Variants in CACNA2D1 observed in about 807,000 individuals in gnomAD.
CACNA2D1 encodes calcium voltage-gated channel auxiliary subunit alpha2delta 1.
In CACNA2D1, 53 loss-of-function variants were observed where a neutral mutation model predicts 171.5. That is an observed-to-expected ratio of 0.31 (90% CI 0.25 to 0.39). CACNA2D1 has a LOEUF of 0.39. Among genes scored for constraint, CACNA2D1 ranks in the 10% least tolerant of loss-of-function variants. The pLI, the probability that CACNA2D1 is intolerant of heterozygous loss-of-function variation, is 1.00. For synonymous variants in CACNA2D1, 442 were observed against 443.1 expected (o/e 1.00, Z 0.03); for missense variants, 903 against 1,299.8 (o/e 0.69, Z 4.69).
chr7:81,976,082 G>A (rs188176769), intron 24 of CACNA2D1, among the ~76,000 whole-genome samples: 2 of 151,660 alleles, frequency 1.3e-5, no homozygotes, highest in East Asian at 1.9e-4. Flanking sequence ...GTTACTCTGG[G>A]ATGCAGTAGC....
At chr7:82,067,498 A>T (rs1320685477) in intron 7 of CACNA2D1, among the ~76,000 whole-genome samples, 1 of 152,220 alleles carries the variant, frequency 6.6e-6, no homozygotes, top group African/African-American at 2.4e-5. Flanking sequence ...ACTATATACA[A>T]TGAAACTCTT....
rs200114409 is a variant in CACNA2D1, at chr7:82,332,564, A to AAGAAAGAAAG, written c.294+2570_294+2571insCTTTCTTTCT. Among the ~76,000 whole-genome samples, 341 of 144,228 alleles carry AAGAAAGAAAG rather than the reference A, an allele frequency of 2.4e-3. 4 individuals are homozygous for AAGAAAGAAAG. Among genetic ancestry groups the AAGAAAGAAAG allele is most frequent in the Middle Eastern group, 7.0e-3 (2 of 284 alleles). The allele number at this position is 144,228 out of a possible 152,430, so 94.6% of individuals were successfully genotyped here. On this transcript the variant is annotated intron_variant, in intron 3 of 38. Coordinates refer to ENST00000356860, the MANE Select transcript of CACNA2D1 (RefSeq NM_000722.4). ...AAAGAAAGAAAGAAAGAAAGAAAGA[A>AAGAAAGAAAG]AGAACGAACAGAAAATTTTTGAGGG... is the stretch of plus-strand genomic sequence containing the variant.
intron 6 of CACNA2D1, among the ~76,000 whole-genome samples, chr7:82,113,519 A>G (rs1408592675): frequency 6.6e-6 from 1 of 152,160 alleles, no homozygotes. Context: ...AACTTTAAAT[A>G]TATCATTGAG....
chr7:82,364,000 G>T (rs953630319), intron 1 of CACNA2D1, among the ~76,000 whole-genome samples: 20 of 152,264 alleles, frequency 1.3e-4, no homozygotes, highest in African/African-American at 4.8e-4. Flanking sequence ...TTGGGAGGCC[G>T]AGGTGGACAG....
At position 82,150,286 on chromosome 7, in the gene CACNA2D1, A is replaced by C. The variant is rs933352747; in HGVS notation, c.355-13610T>G. Among the ~76,000 whole-genome samples the C allele has an allele frequency of 5.6e-5, 8 of 142,766 alleles. 1 individual carries two copies. Among genetic ancestry groups the C allele is most frequent in the African/African-American group, 1.8e-4 (7 of 38,144 alleles). The allele number at this position is 142,766 out of a possible 152,430, so 93.7% of individuals were successfully genotyped here. On this transcript the variant is annotated intron_variant, in intron 4 of 38. Coordinates refer to ENST00000356860, the MANE Select transcript of CACNA2D1 (RefSeq NM_000722.4). ...AAAAAAAAACAAAAACAACAACAAA[A>C]AAAAACACCCTAGTAGCTGGGTTCA... is the stretch of plus-strand genomic sequence containing the variant.
Position 82,443,714 on chromosome 7 carries a change from C to A in CACNA2D1, c.-255G>T. ...CGCGCCGCGGCCGCCTTGCCTCCGC[C>A]GCCATCAAGGGCGACTTTGGAAACA... On this transcript the variant is annotated 5_prime_UTR_variant, in exon 1 of 39. Coordinates refer to ENST00000356860, the MANE Select transcript of CACNA2D1 (RefSeq NM_000722.4). The A allele has an allele frequency of 8.1e-7, 1 of 1,235,628 alleles. No homozygotes were observed. Among genetic ancestry groups the A allele is most frequent in the Non-Finnish European group, 1.0e-6 (1 of 991,666 alleles). The allele number at this position is 1,235,628 out of a possible 1,614,324, so 76.5% of individuals were successfully genotyped here.
intron 36 of CACNA2D1, among the ~76,000 whole-genome samples, chr7:81,960,452 G>A (rs1793972426): frequency 6.6e-6 from 1 of 151,996 alleles, no homozygotes; most frequent in South Asian, 2.1e-4. Flanking sequence ...CTACTGCACT[G>A]GGCAACACAG....
At chr7:82,019,461 T>C (rs1800921790) in intron 12 of CACNA2D1, among the ~76,000 whole-genome samples, 1 of 152,256 alleles carries the variant, frequency 6.6e-6, no homozygotes, top group Non-Finnish European at 1.5e-5. Flanking sequence ...AATTTGGTAT[T>C]ACAGCTCTGG....
intron 3 of CACNA2D1, among the ~76,000 whole-genome samples, chr7:82,227,581 T>C (rs1802490369): frequency 1.3e-5 from 2 of 152,176 alleles, no homozygotes; most frequent in Non-Finnish European, 2.9e-5. Flanking sequence ...GGAAATTCCT[T>C]GGACTAACAT....
intron 7 of CACNA2D1, among the ~76,000 whole-genome samples, chr7:82,079,022 C>G (rs1809352592): frequency 6.6e-6 from 1 of 152,184 alleles, no homozygotes; most frequent in African/African-American, 2.4e-5. Flanking sequence ...AGTCCAAGGA[C>G]AGACATTAAG....
intron 3 of CACNA2D1, among the ~76,000 whole-genome samples, chr7:82,177,068 A>ATT (rs1181991934): frequency 0.14 from 7,633 of 54,986 alleles, 1,554 homozygotes; most frequent in African/African-American, 0.32. Flanking sequence ...ACAGGTCTCT[A>ATT]TTTTTTTTTT....
At chr7:82,158,273 C>T (rs1397056089) in intron 4 of CACNA2D1, among the ~76,000 whole-genome samples, 1 of 151,494 alleles carries the variant, frequency 6.6e-6, no homozygotes, top group Non-Finnish European at 1.5e-5. Flanking sequence ...TCTGTACTGC[C>T]CTCCTTACTT....
intron 1 of CACNA2D1, among the ~76,000 whole-genome samples, chr7:82,393,536 A>C (rs2129450945): frequency 6.6e-6 from 1 of 152,366 alleles, no homozygotes; most frequent in Middle Eastern, 3.4e-3. Context: ...GTAATAGCAG[A>C]TATAAAAGAT....
chr7:82,178,574 T>C (rs1796796201), intron 3 of CACNA2D1, among the ~76,000 whole-genome samples: 1 of 152,092 alleles, frequency 6.6e-6, no homozygotes, highest in African/African-American at 2.4e-5. Flanking sequence ...ATAGCTGGTG[T>C]CATTCCTGAA....
chr7:82,106,131 C>A (rs1337726138), intron 6 of CACNA2D1, among the ~76,000 whole-genome samples: 1 of 152,088 alleles, frequency 6.6e-6, no homozygotes, highest in East Asian at 1.9e-4. Flanking sequence ...AACATGAAAT[C>A]TTTATAGTCC....
Position 82,055,930 on chromosome 7 carries a change from G to GTATATA in CACNA2D1, c.879+4492_879+4497dup, listed in dbSNP as rs58786082. Among the ~76,000 whole-genome samples, 680 of 111,444 alleles carry GTATATA rather than the reference G, an allele frequency of 6.1e-3. 5 individuals are homozygous for GTATATA. The highest frequency in any genetic ancestry group is 7.3e-3 in the Non-Finnish European group (420 of 57,274). The allele number at this position is 111,444 out of a possible 152,430, so 73.1% of individuals were successfully genotyped here. A position where few individuals can be genotyped will look rare whatever the true frequency, so the allele number is the denominator to read the frequency against. Reference sequence around the variant, plus strand: ...AAGTATAATAAATATGTGTGTGTGTGTATATATATATATATATAATTTTTT... The same window carrying GTATATA: ...AAGTATAATAAATATGTGTGTGTGTGTATATATATATATATATATATATAATTTTTT... On this transcript the variant is annotated intron_variant, in intron 10 of 38. Transcript: ENST00000356860.
intron 12 of CACNA2D1, among the ~76,000 whole-genome samples, chr7:82,017,784 A>G (rs1324007748): frequency 1.3e-5 from 2 of 152,170 alleles, no homozygotes; most frequent in Admixed American, 6.5e-5. Context: ...CTTACATAAA[A>G]ACAAAATGAC....
chr7:82,119,122 A>G (rs1789419548), intron 5 of CACNA2D1, among the ~76,000 whole-genome samples: 1 of 152,166 alleles, frequency 6.6e-6, no homozygotes, highest in South Asian at 2.1e-4. Flanking sequence ...AACTATTTCA[A>G]ATAAATTCTC....
At chr7:82,197,437 T>C (rs1235778620) in intron 3 of CACNA2D1, among the ~76,000 whole-genome samples, 2 of 152,114 alleles carry the variant, frequency 1.3e-5, no homozygotes, top group African/African-American at 2.4e-5. Context: ...TTTGTAACTA[T>C]AAATCATAAC....
Sources: gnomAD v4.1 joint callset for allele counts (sites outside exome capture counted in the v4.1 genomes callset) on GRCh38, gnomAD v4.1.1 for gene constraint, MANE v1.5 for transcripts, NCBI Gene and HGNC (gene_info 2026-07-23, HGNC 2026-07-21) for gene names.